Variants in ERBB4 observed in about 807,000 individuals in gnomAD.
ERBB4 encodes receptor tyrosine-protein kinase erbB-4.
A neutral mutation model predicts 158.0 loss-of-function variants in ERBB4; 42 were observed. That is an observed-to-expected ratio of 0.27 (90% CI 0.21 to 0.34). The LOEUF (loss-of-function observed/expected upper bound fraction) is 0.34, where lower values mean the gene tolerates loss of function less well. ERBB4 is among the 10% of genes least tolerant of loss of function. The pLI, the probability that ERBB4 is intolerant of heterozygous loss-of-function variation, is 1.00. For missense variants in ERBB4, 1,333 were observed against 1,624.1 expected (o/e 0.82, Z 3.08); for synonymous variants, 583 against 558.7 (o/e 1.04, Z -0.61).
intron 1 of ERBB4, among the ~76,000 whole-genome samples, chr2:212,443,045 C>T (rs1351560238): frequency 6.6e-6 from 1 of 152,210 alleles, no homozygotes; most frequent in African/African-American, 2.4e-5. Context: ...AGCAAATTAA[C>T]ACATCTCCTG....
chr2:212,093,603 T>C (rs781302355), intron 2 of ERBB4, among the ~76,000 whole-genome samples: 2 of 152,224 alleles, frequency 1.3e-5, no homozygotes, highest in Non-Finnish European at 2.9e-5. Context: ...GGCTCTGCCA[T>C]TAATAAACTG....
chr2:211,666,651 G>A (rs2071641640), intron 14 of ERBB4, among the ~76,000 whole-genome samples: 1 of 152,108 alleles, frequency 6.6e-6, no homozygotes, highest in Non-Finnish European at 1.5e-5. Context: ...CATACATTCA[G>A]CTGTTCTGGA....
At chr2:211,460,547 A>G (rs2064504193) in intron 20 of ERBB4, among the ~76,000 whole-genome samples, 1 of 152,196 alleles carries the variant, frequency 6.6e-6, no homozygotes, top group African/African-American at 2.4e-5. Context: ...AGGTTAATGC[A>G]GTTTCCAAAT....
intron 1 of ERBB4, among the ~76,000 whole-genome samples, chr2:212,157,819 G>A (rs1036003276): frequency 6.6e-6 from 1 of 152,016 alleles, no homozygotes; most frequent in East Asian, 1.9e-4. Context: ...TTCTACTTAA[G>A]CCAGAGCTCT....
At position 212,424,214 on chromosome 2, in the gene ERBB4, G is replaced by A. The variant is rs536286620; in HGVS notation, c.82+114235C>T. Among the ~76,000 whole-genome samples, 16 of 152,126 alleles carry A rather than the reference G, an allele frequency of 1.1e-4. No homozygotes were observed. In the South Asian group the frequency reaches 3.3e-3, roughly 32 times the overall value. ...CCTACTTAGCTATTAGAACCTAAGA[G>A]ACTATCTTTGTTTTACTTTCAAGAC... On this transcript the variant is annotated intron_variant, in intron 1 of 27. Coordinates refer to ENST00000342788, the MANE Select transcript of ERBB4 (RefSeq NM_005235.3).
intron 20 of ERBB4, among the ~76,000 whole-genome samples, chr2:211,551,028 C>G (rs558011732): frequency 6.6e-6 from 1 of 151,552 alleles, no homozygotes; most frequent in Admixed American, 6.6e-5. Context: ...CTGCAATCTG[C>G]GCCTCACCGG....
At chr2:212,272,727 T>C (rs1255041886) in intron 1 of ERBB4, among the ~76,000 whole-genome samples, 1 of 151,846 alleles carries the variant, frequency 6.6e-6, no homozygotes, top group African/African-American at 2.4e-5. Context: ...CATAAAATTA[T>C]GAGATCAAAT....
intron 1 of ERBB4, among the ~76,000 whole-genome samples, chr2:212,442,740 G>A (rs571550035): frequency 1.3e-5 from 2 of 152,272 alleles, no homozygotes; most frequent in South Asian, 2.1e-4. Context: ...TGACTGGTAG[G>A]GTGAGGGCCA....
intron 1 of ERBB4, among the ~76,000 whole-genome samples, chr2:212,193,137 A>G (rs2082323368): frequency 6.6e-6 from 1 of 152,162 alleles, no homozygotes. Context: ...GTTTGGATAT[A>G]GCTGGACTGA....
At chr2:211,585,398 C>G (rs1484930745) in intron 19 of ERBB4, among the ~76,000 whole-genome samples, 1 of 149,550 alleles carries the variant, frequency 6.7e-6, no homozygotes, top group African/African-American at 2.4e-5. Context: ...ACATTCAATT[C>G]TATAAAAATG....
intron 1 of ERBB4, among the ~76,000 whole-genome samples, chr2:212,272,180 G>A (rs1486532700): frequency 1.3e-5 from 2 of 151,506 alleles, no homozygotes; most frequent in African/African-American, 2.4e-5. Flanking sequence ...ATATCTGCCT[G>A]TATATTCTAA....
chr2:212,490,675 G>T (rs1209750519), intron 1 of ERBB4, among the ~76,000 whole-genome samples: 2 of 151,696 alleles, frequency 1.3e-5, no homozygotes, highest in African/African-American at 4.8e-5. Context: ...TGATAGTGTT[G>T]TCAAACATAA....
chr2:211,619,329 A>G (rs556564026), intron 18 of ERBB4, 54 bp from the exon 19 acceptor site: 1 of 994,102 alleles, frequency 1.0e-6, no homozygotes, highest in East Asian at 2.4e-5. Flanking sequence ...TTAAGTTCTT[A>G]CAAAGTAACT....
chr2:212,163,013 A>G (rs2081247742), intron 1 of ERBB4, among the ~76,000 whole-genome samples: 1 of 152,028 alleles, frequency 6.6e-6, no homozygotes, highest in South Asian at 2.1e-4. Flanking sequence ...TCACATCAGC[A>G]TTCTTCTTCA....
At chr2:212,025,920 G>A (rs774867886) in intron 2 of ERBB4, among the ~76,000 whole-genome samples, 15 of 151,584 alleles carry the variant, frequency 9.9e-5, no homozygotes, top group African/African-American at 1.5e-4. Context: ...GTGACTCAGG[G>A]CAAATCTCTG....
At chr2:211,515,800 A>G (rs1000742047) in intron 20 of ERBB4, among the ~76,000 whole-genome samples, 2 of 150,460 alleles carry the variant, frequency 1.3e-5, no homozygotes, top group African/African-American at 2.4e-5. Context: ...TGGGAAATGC[A>G]CAGAGGAAGA....
intron 19 of ERBB4, among the ~76,000 whole-genome samples, chr2:211,567,866 G>T (rs1335322523): frequency 2.0e-5 from 3 of 150,930 alleles, no homozygotes; most frequent in African/African-American, 7.3e-5. Context: ...AAGGGAATAT[G>T]AATTTATTTA....
At chr2:212,347,792 C>T (rs1337292725) in intron 1 of ERBB4, among the ~76,000 whole-genome samples, 3 of 151,944 alleles carry the variant, frequency 2.0e-5, no homozygotes, top group South Asian at 2.1e-4. Flanking sequence ...AATAACTGTC[C>T]ATTTATTAAT....
In ERBB4 at chr2:212,376,700, G is replaced by T. The variant is rs186561650; in HGVS notation, c.82+161749C>A. On this transcript the variant is annotated intron_variant, in intron 1 of 27. Coordinates refer to ENST00000342788, the MANE Select transcript of ERBB4 (RefSeq NM_005235.3). ...TTCAGTTAATGATGTAAGAAAGACTGCATTGACATTCTTAAATTCCTAGGA... is the reference window on the plus strand; with the variant it reads ...TTCAGTTAATGATGTAAGAAAGACTTCATTGACATTCTTAAATTCCTAGGA... Among the ~76,000 whole-genome samples, 511 of 152,112 alleles carry T rather than the reference G, an allele frequency of 3.4e-3. 17 individuals carry two copies. Among genetic ancestry groups the T allele is most frequent in the Admixed American group, 0.032 (486 of 15,230 alleles).
Sources: gnomAD v4.1 joint callset for allele counts (sites outside exome capture counted in the v4.1 genomes callset) on GRCh38, gnomAD v4.1.1 for gene constraint, MANE v1.5 for transcripts, NCBI Gene and HGNC (gene_info 2026-07-23, HGNC 2026-07-21) for gene names.